The following CGNL1 variants were observed in gnomAD, a reference collection of about 807,000 sequenced individuals.
The protein encoded by CGNL1 is cingulin like 1, also known as cingulin-like protein 1.
CGNL1 carries 132 observed loss-of-function variants against 141.2 expected under a neutral mutation model. That is an observed-to-expected ratio of 0.93 (90% CI 0.81 to 1.08). CGNL1 has a LOEUF of 1.08. Among genes scored for constraint, CGNL1 ranks in the 50% least tolerant of loss-of-function variants. The pLI is 0.00. For missense variants in CGNL1, 1,870 were observed against 1,588.6 expected, an observed-to-expected ratio of 1.18 and a Z score of -3.01; for synonymous variants, 690 against 622.1, an observed-to-expected ratio of 1.11 and a Z score of -1.63.
At chr15:57,494,272 G>A (rs1435115193) in intron 8 of CGNL1, among the ~76,000 whole-genome samples, 4 of 152,162 alleles carry the variant, frequency 2.6e-5, no homozygotes, top group South Asian at 2.1e-4. Context: ...AGTGGGGAGG[G>A]GTTGAGAAGG....
chr15:57,414,074 A>G (rs975991601), intron 1 of CGNL1, among the ~76,000 whole-genome samples: 11 of 152,224 alleles, frequency 7.2e-5, no homozygotes, highest in Non-Finnish European at 8.8e-5. Context: ...ATCTGGATGT[A>G]ATATAATCTG....
At chr15:57,497,186 C>T (rs2063951575) in intron 8 of CGNL1, among the ~76,000 whole-genome samples, 1 of 152,178 alleles carries the variant, frequency 6.6e-6, no homozygotes, top group Non-Finnish European at 1.5e-5. Context: ...CATCTGGTGA[C>T]TTCAAACAAA....
chr15:57,499,830 A>G (rs1440789918), intron 8 of CGNL1, among the ~76,000 whole-genome samples: 1 of 152,236 alleles, frequency 6.6e-6, no homozygotes, highest in African/African-American at 2.4e-5. Flanking sequence ...AATGTGTTTG[A>G]CACAGGGTTT....
intron 7 of CGNL1, 145 bp downstream of exon 7, chr15:57,453,963 C>T (rs530305727): frequency 2.8e-5 from 23 of 817,686 alleles, no homozygotes; most frequent in East Asian, 8.1e-5. Flanking sequence ...TCAGTGGATG[C>T]GCTTGATTCT....
rs151232246 is a variant in CGNL1 at position 57,512,054 on chromosome 15, T to C, written c.2404-4726T>C. 4.1e-3 allele frequency among the ~76,000 whole-genome samples: 629 copies of C among 152,312 alleles called. 3 individuals carry two copies. The highest frequency in any genetic ancestry group is 0.015 in the African/African-American group (608 of 41,576). On this transcript the variant is annotated intron_variant, in intron 8 of 18. Coordinates refer to ENST00000281282, the MANE Select transcript of CGNL1 (RefSeq NM_032866.5). ...GTACTTGTCCCCAGGGAACTTCCACTTGAGTTGCTCTTTACCAGCTCTGTC... is the reference window on the plus strand; with the variant it reads ...GTACTTGTCCCCAGGGAACTTCCACCTGAGTTGCTCTTTACCAGCTCTGTC...
At chr15:57,487,182 A>G (rs781021601) in intron 8 of CGNL1, among the ~76,000 whole-genome samples, 1 of 152,208 alleles carries the variant, frequency 6.6e-6, no homozygotes, top group African/African-American at 2.4e-5. Context: ...GAGGGAAGAG[A>G]TGAATATTTG....
intron 8 of CGNL1, among the ~76,000 whole-genome samples, chr15:57,463,460 TA>T (rs2063471171): frequency 6.6e-6 from 1 of 152,208 alleles, no homozygotes; most frequent in Non-Finnish European, 1.5e-5. Context: ...TATCAGTCTG[TA>T]AAAACGAAAC....
intron 1 of CGNL1, among the ~76,000 whole-genome samples, chr15:57,408,529 A>G (rs566050017): frequency 6.6e-6 from 1 of 152,170 alleles, no homozygotes; most frequent in South Asian, 2.1e-4. Context: ...CCGGGATAAT[A>G]TAATTTAATT....
intron 4 of CGNL1, among the ~76,000 whole-genome samples, chr15:57,446,048 G>C (rs182236954): frequency 2.4e-4 from 36 of 152,300 alleles, no homozygotes; most frequent in Non-Finnish European, 4.6e-4. Flanking sequence ...GAGAGGGATG[G>C]AATCTCACTG....
chr15:57,383,612 TTTTCTTTTCTTTTCTTTTC>T (rs1229612194), intron 1 of CGNL1, among the ~76,000 whole-genome samples: 15 of 124,218 alleles, frequency 1.2e-4, no homozygotes, highest in South Asian at 4.9e-4. Context: ...TTTTCTTTTC[TTTTCTTTTCTTTTCTTTTC>T]TTTTTTTTTT....
intron 8 of CGNL1, among the ~76,000 whole-genome samples, chr15:57,466,297 C>G (rs887545180): frequency 2.0e-5 from 3 of 152,030 alleles, no homozygotes; most frequent in Non-Finnish European, 4.4e-5. Flanking sequence ...TGGCTGGAAC[C>G]CTTTAGAGGA....
intron 1 of CGNL1, among the ~76,000 whole-genome samples, chr15:57,413,146 C>T (rs561060117): frequency 6.6e-6 from 1 of 152,152 alleles, no homozygotes; most frequent in Admixed American, 6.5e-5. Flanking sequence ...GCGTGAGCCA[C>T]CACACCCGGC....
intron 8 of CGNL1, among the ~76,000 whole-genome samples, chr15:57,469,787 TACAG>T (rs775996979): frequency 3.3e-5 from 5 of 152,212 alleles, no homozygotes; most frequent in Non-Finnish European, 7.3e-5. Flanking sequence ...CACTGAGTCT[TACAG>T]AAATGAATAT....
At chr15:57,428,325 A>G (rs1356702686) in intron 1 of CGNL1, among the ~76,000 whole-genome samples, 1 of 152,216 alleles carries the variant, frequency 6.6e-6, no homozygotes, top group Non-Finnish European at 1.5e-5. Context: ...CTGGGTCTAA[A>G]TCTTGGTGCT....
intron 1 of CGNL1, among the ~76,000 whole-genome samples, chr15:57,430,577 G>A (rs1196883283): frequency 6.6e-6 from 1 of 152,182 alleles, no homozygotes; most frequent in Non-Finnish European, 1.5e-5. Context: ...TAAGAGAAGT[G>A]GGCAAGGGAA....
At position 57,546,245 on chromosome 15, in the gene CGNL1, C is replaced by G; in HGVS notation, c.3773+6C>G. ...TCCATGAAGAAGGACTTAAGGTGGG[C>G]AGGTGTGGAGGCCACAGAGGGCCGG... On this transcript the variant is annotated splice_donor_region_variant and intron_variant, in intron 18 of 18. Transcript: ENST00000281282. 2 of 1,569,340 alleles carry G rather than the reference C, an allele frequency of 1.3e-6. No individual in the cohort carries two copies. Among genetic ancestry groups the G allele is most frequent in the Non-Finnish European group, 1.7e-6 (2 of 1,157,224 alleles).
In CGNL1 at chr15:57,472,520, C is replaced by T. The variant is rs2063595525; in HGVS notation, c.2403+10628C>T. On this transcript the variant is annotated intron_variant, in intron 8 of 18. Coordinates refer to ENST00000281282, the MANE Select transcript of CGNL1 (RefSeq NM_032866.5). ...TCCATGGAAAAGTGCCTGCTCTGGG[C>T]TTGACCAGTGAGGTGGGAGGCCCTG... 2.0e-5 allele frequency among the ~76,000 whole-genome samples: 3 copies of T among 152,292 alleles called. No homozygotes were observed. In the South Asian group the frequency reaches 6.2e-4, roughly 32 times the overall value.
intron 8 of CGNL1, among the ~76,000 whole-genome samples, chr15:57,464,673 T>TCCTTTCCTTTCCTTC (rs2063488013): frequency 4.3e-5 from 1 of 23,354 alleles, no homozygotes; most frequent in Non-Finnish European, 9.0e-5. Context: ...CGGTTTCTTT[T>TCCTTTCCTTTCCTTC]CCTTTCCTTT....
At chr15:57,390,281 G>C (rs1567088700) in intron 1 of CGNL1, among the ~76,000 whole-genome samples, 1 of 152,244 alleles carries the variant, frequency 6.6e-6, no homozygotes, top group South Asian at 2.1e-4. Context: ...AGCAGCCCAG[G>C]CTGCAGGGGC....
Sources: gnomAD v4.1 joint callset for allele counts (sites outside exome capture counted in the v4.1 genomes callset) on GRCh38, gnomAD v4.1.1 for gene constraint, MANE v1.5 for transcripts, NCBI Gene and HGNC (gene_info 2026-07-23, HGNC 2026-07-21) for gene names.